Variants in NLGN1 observed in about 807,000 individuals in gnomAD.
NLGN1 encodes the protein neuroligin 1.
NLGN1 carries 12 observed loss-of-function variants against 65.5 expected under a neutral mutation model. The observed-to-expected ratio is 0.18, with a 90% confidence interval of 0.12 to 0.30. The LOEUF (loss-of-function observed/expected upper bound fraction) is 0.30. NLGN1 is among the 10% of genes least tolerant of loss of function. NLGN1 has a pLI of 1.00. For synonymous variants in NLGN1, 350 were observed against 359.5 expected, an observed-to-expected ratio of 0.97 and a Z score of 0.30; for missense variants, 750 against 1,007.1, an observed-to-expected ratio of 0.74 and a Z score of 3.46.
chr3:173,782,217 G>A (rs1781282506), intron 3 of NLGN1, among the ~76,000 whole-genome samples: 1 of 152,072 alleles, frequency 6.6e-6, no homozygotes, highest in South Asian at 2.1e-4. Flanking sequence ...TGTTGAAAGA[G>A]CTAAGCAGGG....
At chr3:173,909,447 A>G (rs981718495) in intron 4 of NLGN1, among the ~76,000 whole-genome samples, 2 of 152,130 alleles carry the variant, frequency 1.3e-5, no homozygotes, top group Non-Finnish European at 2.9e-5. Flanking sequence ...TGTGTATCCT[A>G]TGCCAGGCAC....
At chr3:173,539,864 GTT>G (rs1738498711) in intron 2 of NLGN1, among the ~76,000 whole-genome samples, 1 of 117,302 alleles carries the variant, frequency 8.5e-6, no homozygotes, top group Non-Finnish European at 1.8e-5. Flanking sequence ...TTATGTATGT[GTT>G]ATATATATCT....
chr3:173,984,550 A>G (rs1204338913), intron 4 of NLGN1, among the ~76,000 whole-genome samples: 1 of 152,172 alleles, frequency 6.6e-6, no homozygotes, highest in Non-Finnish European at 1.5e-5. Flanking sequence ...CACAATGCAT[A>G]TTTGCAGTGC....
intron 4 of NLGN1, among the ~76,000 whole-genome samples, chr3:174,188,385 C>T (rs1731803170): frequency 6.6e-6 from 1 of 151,842 alleles, no homozygotes; most frequent in African/African-American, 2.4e-5. Flanking sequence ...ATGACAAAAC[C>T]AGGAGCTTCC....
intron 3 of NLGN1, among the ~76,000 whole-genome samples, chr3:173,620,475 A>G (rs1294635533): frequency 6.6e-6 from 1 of 152,088 alleles, no homozygotes; most frequent in Non-Finnish European, 1.5e-5. Context: ...TCAAGAAGGC[A>G]GGATAGGGAA....
chr3:173,753,847 T>C (rs1370363522), intron 3 of NLGN1, among the ~76,000 whole-genome samples: 3 of 151,384 alleles, frequency 2.0e-5, no homozygotes, highest in Non-Finnish European at 4.4e-5. Flanking sequence ...CTTCTCATTC[T>C]ACCTCAAAGA....
intron 3 of NLGN1, chr3:173,685,658 G>T: frequency 1.0e-6 from 1 of 985,270 alleles, no homozygotes; most frequent in African/African-American, 1.7e-5. Context: ...TTGTTAGGGC[G>T]GAAAGATAGC....
At chr3:173,633,780 C>T (rs968204237) in intron 3 of NLGN1, among the ~76,000 whole-genome samples, 1 of 152,096 alleles carries the variant, frequency 6.6e-6, no homozygotes, top group Non-Finnish European at 1.5e-5. Context: ...CAAAACTCCC[C>T]GATTCTCCTT....
chr3:173,525,214 G>T (rs1479526177), intron 2 of NLGN1, among the ~76,000 whole-genome samples: 1 of 149,162 alleles, frequency 6.7e-6, no homozygotes, highest in African/African-American at 2.5e-5. Context: ...GAATCTGTCT[G>T]GTCCTGGGTG....
intron 4 of NLGN1, among the ~76,000 whole-genome samples, chr3:173,869,174 A>G (rs1482764611): frequency 6.6e-6 from 1 of 152,206 alleles, no homozygotes; most frequent in Admixed American, 6.5e-5. Flanking sequence ...ATAAATGGCA[A>G]ATAGCATTAA....
chr3:173,631,210 T>C (rs1338389187), intron 3 of NLGN1, among the ~76,000 whole-genome samples: 1 of 152,210 alleles, frequency 6.6e-6, no homozygotes, highest in Non-Finnish European at 1.5e-5. Flanking sequence ...TAAGGAATAC[T>C]CTGCTAAGCA....
intron 4 of NLGN1, among the ~76,000 whole-genome samples, chr3:173,905,045 AC>A (rs1455473498): frequency 4.0e-5 from 6 of 151,884 alleles, no homozygotes; most frequent in African/African-American, 1.5e-4. Context: ...TGGGTTTTAA[AC>A]CTCCGTGGCT....
At chr3:174,004,139 AT>A (rs1723882230) in intron 4 of NLGN1, among the ~76,000 whole-genome samples, 1 of 152,164 alleles carries the variant, frequency 6.6e-6, no homozygotes, top group Non-Finnish European at 1.5e-5. Context: ...ACTTCCAGTG[AT>A]CTGGAATCTG....
chr3:173,545,768 A>G (rs977497508), intron 2 of NLGN1, among the ~76,000 whole-genome samples: 18 of 152,186 alleles, frequency 1.2e-4, no homozygotes, highest in African/African-American at 4.3e-4. Flanking sequence ...GCAACCATAA[A>G]AAAGGAGGAG....
chr3:173,396,699 A>G (rs548308096), upstream of NLGN1: 14 of 152,340 alleles, frequency 9.2e-5, no homozygotes, highest in African/African-American at 3.1e-4. Flanking sequence ...GAGAAAGGTA[A>G]GGGAGCTTCC....
intron 3 of NLGN1, among the ~76,000 whole-genome samples, chr3:173,673,047 A>T (rs1402853253): frequency 2.0e-5 from 3 of 152,208 alleles, no homozygotes. Flanking sequence ...TTGTGATTAA[A>T]GGTTGATGCT....
At chr3:173,856,409 C>T (rs1052889445) in intron 4 of NLGN1, among the ~76,000 whole-genome samples, 2 of 152,190 alleles carry the variant, frequency 1.3e-5, no homozygotes, top group African/African-American at 4.8e-5. Flanking sequence ...TGTTAAAAAT[C>T]TGTAAGTCAC....
intron 4 of NLGN1, among the ~76,000 whole-genome samples, chr3:173,884,662 TTTATTTTC>T (rs1308967769): frequency 6.6e-6 from 1 of 152,214 alleles, no homozygotes; most frequent in African/African-American, 2.4e-5. Context: ...CTAGACTTTA[TTTATTTTC>T]TTATTTTTAT....
chr3:173,408,292 C>T (rs1326603830), intron 1 of NLGN1, among the ~76,000 whole-genome samples: 3 of 152,150 alleles, frequency 2.0e-5, no homozygotes, highest in Non-Finnish European at 4.4e-5. Flanking sequence ...TGCCTATTTG[C>T]TTAAGGGAGA....
Sources: gnomAD v4.1 joint callset for allele counts (sites outside exome capture counted in the v4.1 genomes callset) on GRCh38, gnomAD v4.1.1 for gene constraint, MANE v1.5 for transcripts, NCBI Gene and HGNC (gene_info 2026-07-23, HGNC 2026-07-21) for gene names.